Variants in COL14A1 observed in about 807,000 individuals in gnomAD.
COL14A1 encodes collagen type XIV alpha 1 chain.
In COL14A1, 136 loss-of-function variants were observed where a neutral mutation model predicts 230.3. The ratio of observed to expected loss-of-function variants is 0.59; its 90% CI spans 0.51 to 0.68. The LOEUF is 0.68. COL14A1 is among the 30% of genes least tolerant of loss of function. COL14A1 has a pLI of 0.00. For missense variants in COL14A1, 1,976 were observed against 2,215.8 expected (o/e 0.89, Z 2.17); for synonymous variants, 792 against 784.1 (o/e 1.01, Z -0.17).
intron 1 of COL14A1, among the ~76,000 whole-genome samples, chr8:120,137,431 C>A (rs376865784): frequency 6.6e-6 from 1 of 152,048 alleles, no homozygotes; most frequent in Admixed American, 6.6e-5. Flanking sequence ...TTGTTAATTT[C>A]TACTAATGTT....
At chr8:120,294,431 C>T (rs1011846199) in intron 34 of COL14A1, among the ~76,000 whole-genome samples, 6 of 83,002 alleles carry the variant, frequency 7.2e-5, no homozygotes, top group African/African-American at 5.3e-4. Context: ...TGTGTCTCTT[C>T]CTCTTTTTTT....
chr8:120,269,161 T>A (rs1819584925), intron 25 of COL14A1, among the ~76,000 whole-genome samples: 1 of 151,800 alleles, frequency 6.6e-6, no homozygotes, highest in African/African-American at 2.4e-5. Flanking sequence ...GCAATTGGCC[T>A]AAGATTAAAA....
intron 30 of COL14A1, 63 bp downstream of exon 30, chr8:120,280,812 G>A: frequency 1.3e-6 from 2 of 1,547,812 alleles, no homozygotes; most frequent in South Asian, 1.2e-5. Flanking sequence ...TTGGGGATGG[G>A]GTTTCTGTTT....
chr8:120,209,198 G>A (rs1018159455), intron 11 of COL14A1, among the ~76,000 whole-genome samples: 11 of 151,812 alleles, frequency 7.2e-5, no homozygotes, highest in African/African-American at 2.7e-4. Context: ...GGCAAAACCC[G>A]ATCTCTACAA....
In COL14A1 at chr8:120,196,883, G is replaced by T; in HGVS notation, c.529G>T (p.Val177Phe). 1.2e-6 allele frequency: 2 copies of T among 1,614,078 alleles called. No individual in the cohort carries two copies. Reference sequence around the variant, plus strand: ...TATTGGAAGATTCAACTTCAGACTGGTTCGGCATTTCTTGGAAAACCTGGT... The same window carrying T: ...TATTGGAAGATTCAACTTCAGACTGTTTCGGCATTTCTTGGAAAACCTGGT... ...WSIGRFNFRL[V>F]RHFLENLVTA... The change falls in exon 6 of 48, where the codon GTT becomes TTT. Residue 177 changes from valine to phenylalanine, a missense_variant. Val to Phe is a conservative substitution (Grantham distance 50). This residue lies in a region of COL14A1 where 1,791 missense variants were observed against 2,019.5 expected (regional missense o/e 0.89). Transcript: ENST00000297848.
intron 5 of COL14A1, among the ~76,000 whole-genome samples, chr8:120,193,806 C>T (rs531717075): frequency 6.6e-6 from 1 of 152,318 alleles, no homozygotes; most frequent in Admixed American, 6.5e-5. Context: ...TCTCAGACTG[C>T]TGTGCTAGCA....
chr8:120,214,929 C>G (rs1428449677), intron 13 of COL14A1, among the ~76,000 whole-genome samples: 2 of 152,146 alleles, frequency 1.3e-5, no homozygotes, highest in African/African-American at 4.8e-5. Context: ...AGGGGAAGAG[C>G]CTTGAAGGCA....
chr8:120,263,866 A>C (rs1433537754), intron 24 of COL14A1, among the ~76,000 whole-genome samples: 1 of 152,214 alleles, frequency 6.6e-6, no homozygotes, highest in Non-Finnish European at 1.5e-5. Context: ...AAAAGAGAGG[A>C]TAAAAGTATA....
At chr8:120,264,802 C>G (rs539610718) in intron 24 of COL14A1, among the ~76,000 whole-genome samples, 2 of 152,118 alleles carry the variant, frequency 1.3e-5, no homozygotes, top group Admixed American at 6.6e-5. Flanking sequence ...AAGTTGGCTA[C>G]CACACCTTAA....
intron 1 of COL14A1, among the ~76,000 whole-genome samples, chr8:120,147,503 G>C (rs1178978053): frequency 6.6e-6 from 1 of 152,156 alleles, no homozygotes; most frequent in East Asian, 1.9e-4. Context: ...CTAATTTCAG[G>C]TAAAATTATG....
intron 1 of COL14A1, among the ~76,000 whole-genome samples, chr8:120,127,906 T>G (rs1232833995): frequency 6.6e-6 from 1 of 152,218 alleles, no homozygotes; most frequent in Non-Finnish European, 1.5e-5. Flanking sequence ...TGAGCACCAC[T>G]GAGTTAACAA....
chr8:120,135,436 TG>T (rs1225606460), intron 1 of COL14A1, among the ~76,000 whole-genome samples: 1 of 152,120 alleles, frequency 6.6e-6, no homozygotes, highest in Non-Finnish European at 1.5e-5. Context: ...GTCTAATTTT[TG>T]TATTTTTAGT....
chr8:120,315,994 G>A lies in COL14A1; in HGVS notation c.4656G>A (p.Gln1552=), dbSNP rs1470184409. The A allele has an allele frequency of 6.2e-7, 1 of 1,614,058 alleles. No individual in the cohort carries two copies. Residue 1552 remains glutamine, a synonymous_variant, in exon 40 of 48, where the codon CAG becomes CAA. Transcript: ENST00000297848. ...CAGGACGTGATGGCTCACCAGGCCAGAGGGTAAGGTCTTGCCCAAGGTTGG... is the reference window on the plus strand; with the variant it reads ...CAGGACGTGATGGCTCACCAGGCCAAAGGGTAAGGTCTTGCCCAAGGTTGG... ...GSPGRDGSPG[Q]RGLPGKDGSS...
At chr8:120,304,947 G>A (rs965847400) in intron 36 of COL14A1, among the ~76,000 whole-genome samples, 6 of 151,830 alleles carry the variant, frequency 4.0e-5, no homozygotes, top group Admixed American at 1.3e-4. Flanking sequence ...TGAATATGAG[G>A]ACAATTAGCA....
At chr8:120,139,769 T>C (rs1814838269) in intron 1 of COL14A1, among the ~76,000 whole-genome samples, 1 of 152,154 alleles carries the variant, frequency 6.6e-6, no homozygotes, top group South Asian at 2.1e-4. Flanking sequence ...CTCATGCCTA[T>C]AATCTTGGCA....
chr8:120,203,986 C>G, intron 9 of COL14A1, 116 bp downstream of exon 9: 4 of 987,276 alleles, frequency 4.1e-6, no homozygotes, highest in South Asian at 2.1e-5. Context: ...CCCCTTATTC[C>G]CCTAAGACCT....
At chr8:120,131,368 G>GT (rs35061319) in intron 1 of COL14A1, among the ~76,000 whole-genome samples, 54 of 143,372 alleles carry the variant, frequency 3.8e-4, no homozygotes, top group East Asian at 1.2e-3. Context: ...CTGCAAATCT[G>GT]TTTTTTTTTT....
intron 24 of COL14A1, 101 bp downstream of exon 24, chr8:120,263,115 T>A (rs1819392228): frequency 7.8e-7 from 1 of 1,274,562 alleles, no homozygotes; most frequent in Non-Finnish European, 1.1e-6. Flanking sequence ...TAGCTATTGC[T>A]GTTCAGGAAT....
chr8:120,137,626 C>T lies in COL14A1; in HGVS notation c.-37-10180C>T, dbSNP rs554372152. On this transcript the variant is annotated intron_variant, in intron 1 of 47. Coordinates refer to ENST00000297848, the MANE Select transcript of COL14A1 (RefSeq NM_021110.4). ...TTATCTCTAATTCTTTAGCTGCATT[C>T]CACAAATTTTCACAAATTGTACCTT... is the stretch of plus-strand genomic sequence containing the variant. 2.5e-3 allele frequency among the ~76,000 whole-genome samples: 384 copies of T among 152,174 alleles called. 2 individuals are homozygous for T. Among genetic ancestry groups the T allele is most frequent in the African/African-American group, 7.8e-3 (325 of 41,558 alleles).
Sources: allele counts gnomAD v4.1 joint callset (sites outside exome capture counted in the v4.1 genomes callset), GRCh38; gene constraint gnomAD v4.1.1; regional missense constraint gnomAD v4.1.1; transcripts MANE v1.5; gene names NCBI Gene and HGNC (gene_info 2026-07-23, HGNC 2026-07-21).